KCNIP1: variants seen among roughly 807,000 people sequenced by gnomAD.
KCNIP1 encodes the protein A-type potassium channel modulatory protein KCNIP1.
In KCNIP1, 18 loss-of-function variants were observed where a neutral mutation model predicts 33.0. The observed-to-expected ratio is 0.55, with a 90% confidence interval of 0.38 to 0.81. The LOEUF (loss-of-function observed/expected upper bound fraction) is 0.81. KCNIP1 is among the 30% of genes least tolerant of loss of function. KCNIP1 has a pLI of 0.00. For missense variants in KCNIP1, 238 were observed against 271.6 expected (o/e 0.88, Z 0.87); for synonymous variants, 93 against 98.3 (o/e 0.95, Z 0.32).
chr5:170,683,657 A>G (rs1436325090), intron 1 of KCNIP1, among the ~76,000 whole-genome samples: 1 of 152,160 alleles, frequency 6.6e-6, no homozygotes, highest in Non-Finnish European at 1.5e-5. Context: ...GAGCAGTGGA[A>G]CATCTCCAAA....
At chr5:170,548,633 A>C (rs1268207934) in intron 1 of KCNIP1, among the ~76,000 whole-genome samples, 1 of 152,164 alleles carries the variant, frequency 6.6e-6, no homozygotes, top group Non-Finnish European at 1.5e-5. Flanking sequence ...CTAGTACCAA[A>C]GTCAGGACAG....
At chr5:170,563,495 T>G (rs1757104722) in intron 1 of KCNIP1, among the ~76,000 whole-genome samples, 1 of 152,216 alleles carries the variant, frequency 6.6e-6, no homozygotes, top group African/African-American at 2.4e-5. Context: ...GGATCTGCAC[T>G]GGGTGTTTGG....
intron 1 of KCNIP1, among the ~76,000 whole-genome samples, chr5:170,427,274 C>T (rs1367319259): frequency 6.6e-6 from 1 of 152,214 alleles, no homozygotes; most frequent in African/African-American, 2.4e-5. Context: ...CCCTGCATTC[C>T]CAGCCCCTCC....
intron 1 of KCNIP1, among the ~76,000 whole-genome samples, chr5:170,580,128 A>G (rs1387646234): frequency 6.6e-6 from 1 of 152,140 alleles, no homozygotes; most frequent in African/African-American, 2.4e-5. Flanking sequence ...CAGCATCTGA[A>G]TCTGCTCCAT....
chr5:170,608,969 G>A (rs931638715), intron 1 of KCNIP1, among the ~76,000 whole-genome samples: 13 of 152,114 alleles, frequency 8.5e-5, no homozygotes, highest in Admixed American at 5.2e-4. Context: ...TGTCTACCTG[G>A]ATTTTGTGCC....
intron 1 of KCNIP1, among the ~76,000 whole-genome samples, chr5:170,470,751 T>C (rs554186608): frequency 6.6e-6 from 1 of 152,316 alleles, no homozygotes; most frequent in South Asian, 2.1e-4. Flanking sequence ...TTTTCAGTGT[T>C]GTGATGGGTT....
intron 1 of KCNIP1, among the ~76,000 whole-genome samples, chr5:170,386,141 CA>C (rs1222083071): frequency 6.7e-6 from 1 of 150,278 alleles, no homozygotes. Flanking sequence ...AAACAAAAAA[CA>C]AAAAAAGATA....
intron 1 of KCNIP1, chr5:170,482,929 T>C (rs1757006461): frequency 2.8e-6 from 1 of 353,274 alleles, no homozygotes; most frequent in Non-Finnish European, 5.5e-6. Context: ...TGAGAGGTTT[T>C]ATCTGGTCTT....
chr5:170,381,989 A>G (rs1019523063), intron 1 of KCNIP1, among the ~76,000 whole-genome samples: 15 of 151,702 alleles, frequency 9.9e-5, no homozygotes, highest in Non-Finnish European at 2.1e-4. Flanking sequence ...CTTCTCATTG[A>G]CCTTCAGCAC....
chr5:170,379,914 T>C (rs905149226), intron 1 of KCNIP1, among the ~76,000 whole-genome samples: 1 of 146,570 alleles, frequency 6.8e-6, no homozygotes, highest in Non-Finnish European at 1.5e-5. Flanking sequence ...ATCTCGCAAC[T>C]ACACTCCAGG....
Position 170,497,983 on chromosome 5 carries a change from G to A in KCNIP1, c.88+144019G>A, listed in dbSNP as rs115748063. ...CTGTGCCCCGGCTTCCCCGGCTTCC[G>A]CTGCAGTCTACATCAGTCCTGCTCC... On this transcript the variant is annotated intron_variant, in intron 1 of 7. Coordinates refer to the KCNIP1 transcript ENST00000377360. Among the ~76,000 whole-genome samples the A allele has an allele frequency of 2.9e-3, 448 of 152,358 alleles. 2 individuals carry two copies. The highest frequency in any genetic ancestry group is 5.6e-3 in the Non-Finnish European group (378 of 68,038).
chr5:170,473,217 T>C (rs1756775790), intron 1 of KCNIP1, among the ~76,000 whole-genome samples: 1 of 152,216 alleles, frequency 6.6e-6, no homozygotes, highest in South Asian at 2.1e-4. Context: ...TTCTTAGCCA[T>C]TTGTATATCT....
intron 1 of KCNIP1, among the ~76,000 whole-genome samples, chr5:170,544,239 C>T (rs1275595715): frequency 1.3e-5 from 2 of 151,918 alleles, no homozygotes; most frequent in African/African-American, 4.8e-5. Context: ...ATGGCGGAAA[C>T]CCAATTTCTA....
intron 1 of KCNIP1, among the ~76,000 whole-genome samples, chr5:170,573,321 C>G (rs1757485479): frequency 6.6e-6 from 1 of 152,172 alleles, no homozygotes; most frequent in South Asian, 2.1e-4. Context: ...TTCGAGCACT[C>G]TTGAATCTCT....
chr5:170,389,417 T>TGGA (rs1229381397), intron 1 of KCNIP1: 2 of 144,592 alleles, frequency 1.4e-5, no homozygotes, highest in African/African-American at 5.2e-5. Context: ...GGGGCAAGCC[T>TGGA]CCATGCCCAA....
chr5:170,616,469 T>C lies in KCNIP1; in HGVS notation c.62-102289T>C, dbSNP rs1759375155. On this transcript the variant is annotated intron_variant, in intron 1 of 7. Transcript: ENST00000328939. ...GGACACAGGCCTTCAGTCTGGAGCA[T>C]GCTTCTCATTTTGAAATAATTTCTT... Among the ~76,000 whole-genome samples the C allele has an allele frequency of 3.3e-5, 5 of 152,172 alleles. No homozygotes were observed. The South Asian group carries it at 1.0e-3, about 32-fold the overall frequency.
chr5:170,604,424 G>A (rs908248181), intron 1 of KCNIP1, among the ~76,000 whole-genome samples: 1 of 152,166 alleles, frequency 6.6e-6, no homozygotes, highest in Admixed American at 6.5e-5. Context: ...CGGAGGAACA[G>A]AAGAAAGGAA....
intron 1 of KCNIP1, among the ~76,000 whole-genome samples, chr5:170,684,375 A>G (rs976709486): frequency 1.3e-5 from 2 of 152,178 alleles, no homozygotes; most frequent in African/African-American, 4.8e-5. Flanking sequence ...GTCTCTAGAG[A>G]AGGATTCCTC....
At chr5:170,589,771 T>TGC (rs1287829339) in intron 1 of KCNIP1, among the ~76,000 whole-genome samples, 10 of 140,626 alleles carry the variant, frequency 7.1e-5, no homozygotes, top group Non-Finnish European at 1.1e-4. Flanking sequence ...TGGTGTGGTG[T>TGC]GGTGTGGTGT....
Sources: gnomAD v4.1 joint callset for allele counts (sites outside exome capture counted in the v4.1 genomes callset) on GRCh38, gnomAD v4.1.1 for gene constraint, MANE v1.5 for transcripts, NCBI Gene and HGNC (gene_info 2026-07-23, HGNC 2026-07-21) for gene names.